The following STXBP4 variants were observed in gnomAD, a reference collection of about 807,000 sequenced individuals.
STXBP4 encodes the protein syntaxin binding protein 4, also known as syntaxin-binding protein 4.
Under a neutral mutation model 76.1 loss-of-function variants are expected in STXBP4, and 55 were observed. That is an observed-to-expected ratio of 0.72 (90% CI 0.58 to 0.91). STXBP4 has a LOEUF of 0.91. Among genes scored for constraint, STXBP4 ranks in the 40% least tolerant of loss-of-function variants. The pLI, the probability that STXBP4 is intolerant of heterozygous loss-of-function variation, is 0.00. For missense variants in STXBP4, 618 were observed against 636.9 expected, an observed-to-expected ratio of 0.97 and a Z score of 0.32; for synonymous variants, 201 against 220.2, an observed-to-expected ratio of 0.91 and a Z score of 0.77.
In STXBP4 at chr17:55,160,815, C is replaced by G. The variant is rs1418326583; in HGVS notation, c.*904C>G. 6.6e-6 allele frequency: 1 copy of G among 152,332 alleles called. No individual in the cohort carries two copies. Among genetic ancestry groups the G allele is most frequent in the African/African-American group, 2.4e-5 (1 of 41,466 alleles). 9.4% of individuals were successfully genotyped at this position (152,332 alleles called of 1,614,324 possible). ...CCTTCCCCCTTCTCTGCACCCAAGC[C>G]TTCGCCAAGTAGGCGCACTCTTTGT... On this transcript the variant is annotated 3_prime_UTR_variant, in exon 18 of 18. Coordinates refer to ENST00000376352, the MANE Select transcript of STXBP4 (RefSeq NM_178509.6).
intron 16 of STXBP4, among the ~76,000 whole-genome samples, chr17:55,086,285 G>A (rs1567755228): frequency 1.3e-5 from 2 of 151,904 alleles, no homozygotes; most frequent in Non-Finnish European, 2.9e-5. Flanking sequence ...AGTAATAATT[G>A]TATGTATGCA....
At chr17:55,035,210 T>A (rs955734321) in intron 10 of STXBP4, among the ~76,000 whole-genome samples, 4 of 151,926 alleles carry the variant, frequency 2.6e-5, no homozygotes, top group Admixed American at 2.6e-4. Flanking sequence ...GATATAGTTA[T>A]AACAACTTTT....
At chr17:55,024,124 G>C (rs1436247952) in intron 8 of STXBP4, among the ~76,000 whole-genome samples, 1 of 152,172 alleles carries the variant, frequency 6.6e-6, no homozygotes, top group Non-Finnish European at 1.5e-5. Context: ...TACTCATTAA[G>C]TGGACAAACA....
chr17:54,969,083 T>C (rs2077340009), intron 1 of STXBP4, among the ~76,000 whole-genome samples: 1 of 152,156 alleles, frequency 6.6e-6, no homozygotes, highest in Non-Finnish European at 1.5e-5. Flanking sequence ...ATCACCTCTC[T>C]CAGGAAGCCT....
At chr17:55,006,090 C>T (rs1002282401) in intron 7 of STXBP4, among the ~76,000 whole-genome samples, 6 of 151,926 alleles carry the variant, frequency 3.9e-5, no homozygotes, top group Non-Finnish European at 8.8e-5. Flanking sequence ...ATCATGATTA[C>T]AAAGGAGATT....
At chr17:55,034,033 C>A in intron 9 of STXBP4, 135 bp from the exon 10 acceptor site, 2 of 550,702 alleles carry the variant, frequency 3.6e-6, no homozygotes, top group East Asian at 2.8e-5. Flanking sequence ...TTACATTTAC[C>A]TATCACTTCA....
chr17:55,045,221 T>G (rs993034010), intron 11 of STXBP4, among the ~76,000 whole-genome samples: 1 of 152,122 alleles, frequency 6.6e-6, no homozygotes, highest in African/African-American at 2.4e-5. Context: ...ATAAGAGTAT[T>G]TTATATATTT....
At chr17:55,175,254 A>G (rs895058911), downstream of STXBP4, among the ~76,000 whole-genome samples, 1 of 152,198 alleles carries the variant, frequency 6.6e-6, no homozygotes, top group African/African-American at 2.4e-5. Flanking sequence ...TAGATACCAA[A>G]TCTGCTTGGA....
chr17:55,159,379 C>A (rs2145194679), intron 17 of STXBP4, among the ~76,000 whole-genome samples: 1 of 152,296 alleles, frequency 6.6e-6, no homozygotes, highest in East Asian at 1.9e-4. Flanking sequence ...TTAGAAAGTT[C>A]TTTGGCTGCA....
At chr17:54,997,536 C>T (rs11869186) in intron 4 of STXBP4, among the ~76,000 whole-genome samples, 8 of 138,770 alleles carry the variant, frequency 5.8e-5, no homozygotes, top group African/African-American at 7.8e-5. Flanking sequence ...ATATATATAA[C>T]ATAAATATAT....
the STXBP4 span, among the ~76,000 whole-genome samples, chr17:55,191,523 A>G: frequency 0.022 from 3,376 of 152,194 alleles, 126 homozygotes; most frequent in African/African-American, 0.076. Context: ...AACCTAAGCA[A>G]TACTTATTTC....
intron 8 of STXBP4, among the ~76,000 whole-genome samples, chr17:55,015,453 G>A (rs2095737): frequency 0.23 from 35,613 of 152,066 alleles, 4,648 homozygotes; most frequent in South Asian, 0.31. Flanking sequence ...TCTCATTTGG[G>A]GTTAGTGTCT....
intron 16 of STXBP4, among the ~76,000 whole-genome samples, chr17:55,138,100 CA>C (rs1240170276): frequency 6.6e-6 from 1 of 152,000 alleles, no homozygotes; most frequent in Non-Finnish European, 1.5e-5. Flanking sequence ...TTAGGGAGTT[CA>C]ACCTTTTTCT....
At chr17:55,004,540 A>G (rs2077972676) in intron 7 of STXBP4, among the ~76,000 whole-genome samples, 1 of 151,986 alleles carries the variant, frequency 6.6e-6, no homozygotes, top group South Asian at 2.1e-4. Flanking sequence ...TGTCTCTACA[A>G]AAATTAAAAA....
chr17:55,055,304 A>G (rs1277999903), intron 12 of STXBP4, among the ~76,000 whole-genome samples: 1 of 152,058 alleles, frequency 6.6e-6, no homozygotes, highest in African/African-American at 2.4e-5. Flanking sequence ...AATATTTGAC[A>G]AGGAGAGAAA....
At chr17:55,060,494 C>G (rs1008905992) in intron 12 of STXBP4, among the ~76,000 whole-genome samples, 1 of 152,078 alleles carries the variant, frequency 6.6e-6, no homozygotes, top group Non-Finnish European at 1.5e-5. Flanking sequence ...CAAGTTACTA[C>G]AGTACTAATG....
chr17:55,135,976 A>T (rs988427506), intron 16 of STXBP4, among the ~76,000 whole-genome samples: 1 of 152,206 alleles, frequency 6.6e-6, no homozygotes, highest in Non-Finnish European at 1.5e-5. Context: ...CCAAATGCTT[A>T]CATTCAAATC....
In STXBP4 at chr17:55,166,436, G is replaced by T. The variant is rs1372918917; in HGVS notation, c.*6525G>T. On this transcript the variant is annotated 3_prime_UTR_variant, in exon 18 of 18. Transcript: ENST00000376352. Reference sequence around the variant, plus strand: ...AATTGCTTCTATTCCTCCCTTGCTAGTCTTCAGTAGTTCCCTAGCACCTTC... The same window carrying T: ...AATTGCTTCTATTCCTCCCTTGCTATTCTTCAGTAGTTCCCTAGCACCTTC... 6.6e-6 allele frequency: 1 copy of T among 152,086 alleles called. No individual in the cohort carries two copies. The highest frequency in any genetic ancestry group is 1.5e-5 in the Non-Finnish European group (1 of 68,022). The allele number at this position is 152,086 out of a possible 1,614,324, so 9.4% of individuals were successfully genotyped here. A position where few individuals can be genotyped will look rare whatever the true frequency, so the allele number is the denominator to read the frequency against.
intron 1 of STXBP4, among the ~76,000 whole-genome samples, chr17:54,977,133 C>A (rs2077484711): frequency 6.6e-6 from 1 of 152,018 alleles, no homozygotes; most frequent in Admixed American, 6.5e-5. Flanking sequence ...TAAACCGAAC[C>A]CCTGGCATTT....
Sources: gnomAD v4.1 joint callset for allele counts (sites outside exome capture counted in the v4.1 genomes callset) on GRCh38, gnomAD v4.1.1 for gene constraint, MANE v1.5 for transcripts, NCBI Gene and HGNC (gene_info 2026-07-23, HGNC 2026-07-21) for gene names.